PIK3R1: variants seen among roughly 807,000 people sequenced by gnomAD.
PIK3R1 encodes phosphatidylinositol 3-kinase regulatory subunit alpha.
A neutral mutation model predicts 98.0 loss-of-function variants in PIK3R1; 29 were observed. That is an observed-to-expected ratio of 0.30 (90% CI 0.22 to 0.40). PIK3R1 has a LOEUF of 0.40. Ranked by LOEUF, PIK3R1 falls within the 10% of genes least tolerant of loss-of-function variation. The pLI, the probability that PIK3R1 is intolerant of heterozygous loss-of-function variation, is 1.00. For synonymous variants in PIK3R1, 282 were observed against 311.8 expected (o/e 0.90, Z 1.01); for missense variants, 596 against 872.7 (o/e 0.68, Z 3.99).
In PIK3R1 at chr5:68,226,401, G is replaced by A. The variant is rs1255374871; in HGVS notation, c.-275G>A. ...GTGAGAGTCAGCCTGGATTCAAAGTGTTGACAAGTTGCTGAAAAGGAAGCC... is the reference window on the plus strand; with the variant it reads ...GTGAGAGTCAGCCTGGATTCAAAGTATTGACAAGTTGCTGAAAAGGAAGCC... On this transcript the variant is annotated 5_prime_UTR_variant, in exon 2 of 16. Transcript: ENST00000521381. The A allele has an allele frequency of 6.2e-6, 3 of 483,780 alleles. No homozygotes were observed. The highest frequency in any genetic ancestry group is 1.1e-5 in the Non-Finnish European group (3 of 275,272). The allele number at this position is 483,780 out of a possible 1,614,324, so 30.0% of individuals were successfully genotyped here.
rs190586928 is a variant in PIK3R1, at chr5:68,222,218, G to C, written c.-386-4072G>C. On this transcript the variant is annotated intron_variant, in intron 1 of 15. Transcript: ENST00000521381. Reference sequence around the variant, plus strand: ...AGGAAAAATCCTGTTGATTTGGATAGTTTAGGCTCCAGGTCGATCTCGGTA... The same window carrying C: ...AGGAAAAATCCTGTTGATTTGGATACTTTAGGCTCCAGGTCGATCTCGGTA... Among the ~76,000 whole-genome samples, 204 of 152,308 alleles carry C rather than the reference G, an allele frequency of 1.3e-3. 1 individual carries two copies. The highest frequency in any genetic ancestry group is 4.8e-3 in the African/African-American group (198 of 41,552).
rs569848034 is a variant in PIK3R1 at position 68,219,066 on chromosome 5, C to T, written c.-387+3117C>T. ...TGGCAATTAACGACCATTTCATGTACATTAAGCCACATGAGCTGAAAAAAT... is the reference window on the plus strand; with the variant it reads ...TGGCAATTAACGACCATTTCATGTATATTAAGCCACATGAGCTGAAAAAAT... On this transcript the variant is annotated intron_variant, in intron 1 of 15. Coordinates refer to ENST00000521381, the MANE Select transcript of PIK3R1 (RefSeq NM_181523.3). 1.8e-4 allele frequency among the ~76,000 whole-genome samples: 28 copies of T among 152,242 alleles called. 1 individual carries two copies. The South Asian group carries it at 4.8e-3, about 26-fold the overall frequency.
At chr5:68,232,818 T>C (rs183956535) in intron 2 of PIK3R1, among the ~76,000 whole-genome samples, 28 of 152,324 alleles carry the variant, frequency 1.8e-4, no homozygotes, top group African/African-American at 6.7e-4. Flanking sequence ...TATATGTATA[T>C]CCTAAGTAAA....
At chr5:68,245,484 A>G (rs1745049685) in intron 2 of PIK3R1, among the ~76,000 whole-genome samples, 1 of 152,190 alleles carries the variant, frequency 6.6e-6, no homozygotes, top group South Asian at 2.1e-4. Flanking sequence ...GCACTTGCAA[A>G]TAGGCTGGAC....
In PIK3R1 at chr5:68,294,623, A is replaced by G; in HGVS notation, c.1513A>G (p.Ser505Gly). 1 of 1,612,018 alleles carries G rather than the reference A, an allele frequency of 6.2e-7. No individual in the cohort carries two copies. The highest frequency in any genetic ancestry group is 8.5e-7 in the Non-Finnish European group (1 of 1,179,082). The change falls in exon 12 of 16, where the codon AGC (serine) becomes GGC (glycine). Residue 505 changes from serine to glycine, a missense_variant. By Grantham distance (56) the Ser-to-Gly change is moderately conservative. Coordinates refer to ENST00000521381, the MANE Select transcript of PIK3R1 (RefSeq NM_181523.3). ...ACAGTGCCAGACCCAAGAGCGGTACAGCAAAGAATACATAGAAAAGTTTAA... is the reference window on the plus strand; with the variant it reads ...ACAGTGCCAGACCCAAGAGCGGTACGGCAAAGAATACATAGAAAAGTTTAA... ...EEQCQTQERYSKEYIEKFKRE... is the reference protein window; with the variant it reads ...EEQCQTQERYGKEYIEKFKRE...
rs1748094099 is a variant in PIK3R1, at chr5:68,301,482, A to G, written c.*3881A>G. ...TGTATATATATATGTATATACATAT[A>G]TGTATATATATGCACATATATATAT... On this transcript the variant is annotated 3_prime_UTR_variant, in exon 16 of 16. Coordinates refer to ENST00000521381, the MANE Select transcript of PIK3R1 (RefSeq NM_181523.3). 1 of 140,870 alleles carries G rather than the reference A, an allele frequency of 7.1e-6. No individual in the cohort carries two copies. Among genetic ancestry groups the G allele is most frequent in the Non-Finnish European group, 1.5e-5 (1 of 66,194 alleles). 8.7% of individuals were successfully genotyped at this position (140,870 alleles called of 1,614,324 possible). A position where few individuals can be genotyped will look rare whatever the true frequency, so the allele number is the denominator to read the frequency against.
At chr5:68,217,171 A>G (rs1034412818) in intron 1 of PIK3R1, among the ~76,000 whole-genome samples, 2 of 152,170 alleles carry the variant, frequency 1.3e-5, no homozygotes, top group African/African-American at 4.8e-5. Flanking sequence ...TGAATGCAAC[A>G]TAAGATTGTC....
chr5:68,261,169 A>T (rs950101891), intron 2 of PIK3R1, among the ~76,000 whole-genome samples: 1 of 152,182 alleles, frequency 6.6e-6, no homozygotes, highest in East Asian at 1.9e-4. Context: ...ATATAGAATT[A>T]TTTTTTAAGT....
chr5:68,262,748 G>T (rs1207094269), intron 2 of PIK3R1, among the ~76,000 whole-genome samples: 1 of 141,022 alleles, frequency 7.1e-6, no homozygotes, highest in Admixed American at 7.0e-5. Flanking sequence ...GATGCATGTA[G>T]ATACATGTAT....
chr5:68,295,664 A>G (rs1236469329), intron 14 of PIK3R1, 176 bp downstream of exon 14: 2 of 621,518 alleles, frequency 3.2e-6, no homozygotes, highest in Non-Finnish European at 5.7e-6. Flanking sequence ...AAGCTTAGCT[A>G]AGGAGGACTA....
rs903776769 is a variant in PIK3R1 at position 68,299,357 on chromosome 5, G to A, written c.*1756G>A. On this transcript the variant is annotated 3_prime_UTR_variant, in exon 16 of 16. Transcript: ENST00000521381. ...CACTGCTCTGGACTGTGTGGAGCTC[G>A]CTAAAGTCATGGTCATTGCAGGAAT... 2.1e-5 allele frequency: 5 copies of A among 232,992 alleles called. No individual in the cohort carries two copies. Among genetic ancestry groups the A allele is most frequent in the African/African-American group, 4.4e-5 (2 of 45,178 alleles). The allele number at this position is 232,992 out of a possible 1,614,324, so 14.4% of individuals were successfully genotyped here. A position where few individuals can be genotyped will look rare whatever the true frequency, so the allele number is the denominator to read the frequency against.
chr5:68,263,143 A>G (rs200599722), intron 2 of PIK3R1, among the ~76,000 whole-genome samples: 5 of 133,154 alleles, frequency 3.8e-5, no homozygotes, highest in Non-Finnish European at 6.5e-5. Flanking sequence ...ATACATATAT[A>G]TTTATATATG....
chr5:68,218,076 C>T (rs894964607), intron 1 of PIK3R1, among the ~76,000 whole-genome samples: 8 of 152,178 alleles, frequency 5.3e-5, no homozygotes, highest in African/African-American at 1.7e-4. Context: ...TTTTGTTTCC[C>T]ATTTATTGAA....
intron 12 of PIK3R1, 45 bp downstream of exon 12, chr5:68,294,723 C>G (rs1387261736): frequency 2.2e-6 from 3 of 1,381,608 alleles, no homozygotes; most frequent in Non-Finnish European, 2.9e-6. Flanking sequence ...CCAAAATCCT[C>G]TAAAACCATT....
intron 2 of PIK3R1, among the ~76,000 whole-genome samples, chr5:68,234,734 G>A (rs187712854): frequency 2.6e-5 from 4 of 152,214 alleles, no homozygotes; most frequent in Admixed American, 6.5e-5. Context: ...ATTTTCCAAG[G>A]TAAGTAGAGA....
At chr5:68,292,964 A>C in intron 8 of PIK3R1, 137 bp from the exon 9 acceptor site, 1 of 704,150 alleles carries the variant, frequency 1.4e-6, no homozygotes, top group Middle Eastern at 2.5e-4. Flanking sequence ...GGGCAGGAGG[A>C]ATATGGGCAC....
At chr5:68,262,615 A>G (rs1166144362) in intron 2 of PIK3R1, among the ~76,000 whole-genome samples, 9 of 141,950 alleles carry the variant, frequency 6.3e-5, no homozygotes, top group Admixed American at 1.4e-4. Context: ...ACATGTATAC[A>G]CATGTAGATG....
chr5:68,221,839 A>G (rs773737727), intron 1 of PIK3R1, among the ~76,000 whole-genome samples: 2 of 152,260 alleles, frequency 1.3e-5, no homozygotes, highest in African/African-American at 4.8e-5. Context: ...TAGCAGGGAC[A>G]GAAAATATGC....
intron 7 of PIK3R1, chr5:68,288,868 C>A: frequency 9.9e-7 from 1 of 1,015,192 alleles, no homozygotes; most frequent in Non-Finnish European, 1.6e-6. Context: ...CTGGGGAGGA[C>A]AGATGGGAGA....
Sources: gnomAD v4.1 joint callset for allele counts (sites outside exome capture counted in the v4.1 genomes callset) on GRCh38, gnomAD v4.1.1 for gene constraint, MANE v1.5 for transcripts, NCBI Gene and HGNC (gene_info 2026-07-23, HGNC 2026-07-21) for gene names.